Variants in TBCD observed in about 807,000 individuals in gnomAD.
TBCD encodes the protein tubulin folding cofactor D, also known as tubulin-specific chaperone D.
Under a neutral mutation model 169.3 loss-of-function variants are expected in TBCD, and 105 were observed. That is an observed-to-expected ratio of 0.62 (90% CI 0.53 to 0.73). TBCD has a LOEUF of 0.73. Among genes scored for constraint, TBCD ranks in the 30% least tolerant of loss-of-function variants. The probability of loss-of-function intolerance (pLI) is 0.00; values close to 1 mark genes in which losing one functional copy is unlikely to be tolerated. For missense variants in TBCD, 1,444 were observed against 1,600.1 expected (o/e 0.90, Z 1.66); for synonymous variants, 700 against 643.9 (o/e 1.09, Z -1.32).
At chr17:82,776,303 C>T (rs1044072040) in intron 6 of TBCD, among the ~76,000 whole-genome samples, 3 of 151,878 alleles carry the variant, frequency 2.0e-5, no homozygotes, top group African/African-American at 4.8e-5. Flanking sequence ...CCAGCTATTC[C>T]GAAGGCTGGG....
At chr17:82,752,739 C>T (rs7217361) in intron 1 of TBCD, among the ~76,000 whole-genome samples, 55,638 of 152,050 alleles carry the variant, frequency 0.37, 10,325 homozygotes, top group Middle Eastern at 0.41. Context: ...TCGGGCCAGA[C>T]CCCTCCGGAC....
chr17:82,924,643 C>T (rs2061611198), intron 26 of TBCD, among the ~76,000 whole-genome samples: 2 of 152,334 alleles, frequency 1.3e-5, no homozygotes, highest in African/African-American at 2.4e-5. Flanking sequence ...CATGGTGGCA[C>T]ACACCTGTAA....
intron 13 of TBCD, chr17:82,830,696 T>A: frequency 4.3e-6 from 7 of 1,613,508 alleles, no homozygotes; most frequent in Non-Finnish European, 5.9e-6. Context: ...AAGCTGGCGG[T>A]TTCCGCCTGG....
intron 5 of TBCD, 24 bp from the exon 6 acceptor site, chr17:82,772,428 T>C (rs746112245): frequency 6.2e-7 from 1 of 1,613,846 alleles, no homozygotes; most frequent in South Asian, 1.1e-5. Context: ...AGTGACCGTG[T>C]CTGTGCTTCA....
chr17:82,903,651 C>T lies in TBCD; in HGVS notation c.1804+173C>T, dbSNP rs1599397928. ...AGTGGATAGGCTGTGAGGACGGATG[C>T]GGTGAGTGTGTCCGCCTGCAGGGCA... On this transcript the variant is annotated intron_variant, in intron 19 of 38. Transcript: ENST00000355528. This position sits in a 1 kb window ranked among gnomAD's most constrained non-coding sequence, Gnocchi z 4.8. Among the ~76,000 whole-genome samples the T allele has an allele frequency of 1.3e-5, 2 of 152,192 alleles. No homozygotes were observed. The highest frequency in any genetic ancestry group is 2.4e-5 in the African/African-American group (1 of 41,448).
At chr17:82,856,593 C>T (rs1259363972) in intron 13 of TBCD, among the ~76,000 whole-genome samples, 3 of 152,232 alleles carry the variant, frequency 2.0e-5, no homozygotes. Context: ...TATCAGGGCC[C>T]TTACACAGTT....
intron 13 of TBCD, among the ~76,000 whole-genome samples, chr17:82,828,231 G>GCC (rs200927952): frequency 1.8e-5 from 2 of 111,412 alleles, no homozygotes; most frequent in African/African-American, 3.6e-5. Context: ...GATTGAATGC[G>GCC]CCCCCCACAG....
In TBCD at chr17:82,903,537, G is replaced by T; in HGVS notation, c.1804+59G>T. ...ATGCATGCACTGCAGAAAGGCCTGG[G>T]TTGCTGGTTTCAAAGGCTGGGGGCT... On this transcript the variant is annotated intron_variant, in intron 19 of 38. Transcript: ENST00000355528. This position sits in a 1 kb window ranked among gnomAD's most constrained non-coding sequence, Gnocchi z 4.8. The T allele has an allele frequency of 1.1e-5, 16 of 1,502,766 alleles. No individual in the cohort carries two copies. Among genetic ancestry groups the T allele is most frequent in the Non-Finnish European group, 1.4e-5 (16 of 1,105,650 alleles). The allele number at this position is 1,502,766 out of a possible 1,614,324, so 93.1% of individuals were successfully genotyped here.
At chr17:82,860,674 T>TG (rs1408746242) in intron 13 of TBCD, among the ~76,000 whole-genome samples, 1 of 152,134 alleles carries the variant, frequency 6.6e-6, no homozygotes, top group African/African-American at 2.4e-5. Flanking sequence ...CTGCCATTTG[T>TG]GGGGGGTCCT....
At chr17:82,821,898 C>T (rs989142851) in intron 13 of TBCD, among the ~76,000 whole-genome samples, 35 of 152,000 alleles carry the variant, frequency 2.3e-4, no homozygotes, top group Middle Eastern at 3.4e-3. Context: ...TTATAAATTT[C>T]GAAAAAATTT....
intron 2 of TBCD, among the ~76,000 whole-genome samples, chr17:82,757,129 A>C (rs975169439): frequency 6.6e-6 from 1 of 152,160 alleles, no homozygotes; most frequent in Non-Finnish European, 1.5e-5. Flanking sequence ...GAGAGGGAGC[A>C]CCCTGGGTGG....
chr17:82,818,096 G>A (rs1353118124), intron 13 of TBCD, among the ~76,000 whole-genome samples: 1 of 152,216 alleles, frequency 6.6e-6, no homozygotes, highest in African/African-American at 2.4e-5. Flanking sequence ...CTGACCCCAG[G>A]CAGCTGGGGC....
At position 82,845,665 on chromosome 17, in the gene TBCD, C is replaced by T. The variant is rs767694568; in HGVS notation, c.1319-24559C>T. Reference sequence around the variant, plus strand: ...CTGCCCAGCCCACCCCGGTCCCTTCCGCAGCAGCATCCTCTCCAGTGCACT... The same window carrying T: ...CTGCCCAGCCCACCCCGGTCCCTTCTGCAGCAGCATCCTCTCCAGTGCACT... On this transcript the variant is annotated intron_variant, in intron 13 of 38. Coordinates refer to ENST00000355528, the MANE Select transcript of TBCD (RefSeq NM_005993.5). 9.7e-5 allele frequency among the ~76,000 whole-genome samples: 14 copies of T among 144,356 alleles called. No individual in the cohort carries two copies. The East Asian group carries it at 1.2e-3, about 12-fold the overall frequency. The allele number at this position is 144,356 out of a possible 152,430, so 94.7% of individuals were successfully genotyped here.
At chr17:82,762,288 C>G (rs2047802305) in intron 2 of TBCD, among the ~76,000 whole-genome samples, 1 of 143,140 alleles carries the variant, frequency 7.0e-6, no homozygotes, top group South Asian at 2.2e-4. Flanking sequence ...TGCACTCCAG[C>G]CTGGGTGATA....
chr17:82,844,792 T>C (rs1457986073), intron 13 of TBCD, among the ~76,000 whole-genome samples: 1 of 152,236 alleles, frequency 6.6e-6, no homozygotes, highest in Non-Finnish European at 1.5e-5. Context: ...TTTGACCAAA[T>C]CTTAGGAACC....
At position 82,884,638 on chromosome 17, in the gene TBCD, A is replaced by G. The variant is rs1220926981; in HGVS notation, c.1533+436A>G. Among the ~76,000 whole-genome samples, 3 of 152,176 alleles carry G rather than the reference A, an allele frequency of 2.0e-5. No homozygotes were observed. Among genetic ancestry groups the G allele is most frequent in the Non-Finnish European group, 4.4e-5 (3 of 68,016 alleles). On this transcript the variant is annotated intron_variant, in intron 15 of 38. Coordinates refer to ENST00000355528, the MANE Select transcript of TBCD (RefSeq NM_005993.5). This position sits in a 1 kb window ranked among gnomAD's most constrained non-coding sequence, Gnocchi z 4.2. ...AGTGGTCAGCTCTGCTTCACCCGCC[A>G]CACTCGCCTGGGCCTTGCTGGATGT...
chr17:82,911,644 A>C, intron 22 of TBCD, 114 bp from the exon 23 acceptor site: 1 of 1,048,244 alleles, frequency 9.5e-7, no homozygotes, highest in Non-Finnish European at 1.4e-6. Flanking sequence ...AACACATTCA[A>C]CTAGTTCTCA....
chr17:82,787,240 C>T (rs1030701323), intron 7 of TBCD, among the ~76,000 whole-genome samples: 1 of 152,348 alleles, frequency 6.6e-6, no homozygotes. Context: ...TTGGCAGCAG[C>T]ACCTCAGAAC....
chr17:82,759,557 C>G (rs2047640644), intron 2 of TBCD, among the ~76,000 whole-genome samples: 1 of 152,050 alleles, frequency 6.6e-6, no homozygotes, highest in African/African-American at 2.4e-5. Flanking sequence ...AACTTCTGGC[C>G]CCAAGCAATC....
Sources: gnomAD v4.1 joint callset for allele counts (sites outside exome capture counted in the v4.1 genomes callset) on GRCh38, gnomAD v4.1.1 for gene constraint, Gnocchi (gnomAD v3.1) non-coding constraint, MANE v1.5 for transcripts, NCBI Gene and HGNC (gene_info 2026-07-23, HGNC 2026-07-21) for gene names.